The following SLC26A7 variants were observed in gnomAD, a reference collection of about 807,000 sequenced individuals.
The protein encoded by SLC26A7 is anion exchange transporter.
Under a neutral mutation model 82.5 loss-of-function variants are expected in SLC26A7, and 59 were observed. The observed-to-expected ratio is 0.72, with a 90% CI of 0.58 to 0.89. The LOEUF (loss-of-function observed/expected upper bound fraction) is 0.89, where lower values mean the gene tolerates loss of function less well. Ranked by LOEUF, SLC26A7 falls within the 40% of genes least tolerant of loss-of-function variation. The probability of loss-of-function intolerance (pLI) is 0.00; values close to 1 mark genes in which losing one functional copy is unlikely to be tolerated. For synonymous variants in SLC26A7, 271 were observed against 274.3 expected (o/e 0.99, Z 0.12); for missense variants, 820 against 793.0 (o/e 1.03, Z -0.41).
chr8:91,388,630 G>A lies in SLC26A7; in HGVS notation c.1676-708G>A, dbSNP rs180714692. 8.5e-4 allele frequency among the ~76,000 whole-genome samples: 129 copies of A among 152,222 alleles called. 1 individual carries two copies. The highest frequency in any genetic ancestry group is 1.5e-3 in the Non-Finnish European group (101 of 68,006). On this transcript the variant is annotated intron_variant, in intron 15 of 18. Transcript: ENST00000276609. ...GCTCTGAAAGCCACATCACTCCTCG[G>A]AGGGACCCCAAATGTGGCCTGTCAC...
At chr8:91,241,644 G>A (rs1810475342) in intron 2 of SLC26A7, among the ~76,000 whole-genome samples, 1 of 152,026 alleles carries the variant, frequency 6.6e-6, no homozygotes, top group Admixed American at 6.6e-5. Flanking sequence ...ATATACATGA[G>A]AGTTGTTTGG....
At chr8:91,362,607 A>G in intron 12 of SLC26A7, 148 bp downstream of exon 12, 1 of 577,086 alleles carries the variant, frequency 1.7e-6, no homozygotes, top group Non-Finnish European at 3.1e-6. Flanking sequence ...AAAACTAGAG[A>G]CAAACAGATA....
intron 15 of SLC26A7, among the ~76,000 whole-genome samples, chr8:91,385,768 C>A (rs1359792876): frequency 6.6e-6 from 1 of 152,090 alleles, no homozygotes; most frequent in East Asian, 1.9e-4. Flanking sequence ...AATAATCTAT[C>A]ATCATGTACA....
intron 2 of SLC26A7, among the ~76,000 whole-genome samples, chr8:91,273,494 A>G (rs7812726): frequency 0.2 from 29,998 of 152,146 alleles, 3,755 homozygotes; most frequent in African/African-American, 0.35. Flanking sequence ...GGCAAGTGCT[A>G]AAATAGTTTA....
chr8:91,213,297 G>A (rs569845553), intron 1 of SLC26A7, among the ~76,000 whole-genome samples: 4 of 152,164 alleles, frequency 2.6e-5, no homozygotes, highest in South Asian at 4.1e-4. Context: ...ATAATGTGTC[G>A]TCTAAGCCAA....
intron 2 of SLC26A7, among the ~76,000 whole-genome samples, chr8:91,282,529 G>A (rs1217607431): frequency 6.6e-6 from 1 of 152,112 alleles, no homozygotes; most frequent in Non-Finnish European, 1.5e-5. Flanking sequence ...TAGGTCTGTT[G>A]GATTTCCTCT....
At chr8:91,317,054 G>C (rs935275606) in intron 4 of SLC26A7, among the ~76,000 whole-genome samples, 1 of 147,134 alleles carries the variant, frequency 6.8e-6, no homozygotes, top group East Asian at 2.0e-4. Context: ...CAGCTATTCA[G>C]GAGGCTAAAA....
At chr8:91,261,244 A>G (rs549857104) in intron 2 of SLC26A7, among the ~76,000 whole-genome samples, 2 of 152,256 alleles carry the variant, frequency 1.3e-5, no homozygotes, top group Admixed American at 1.3e-4. Flanking sequence ...GCCTTTTGCT[A>G]TGTTCTTGGA....
intron 3 of SLC26A7, among the ~76,000 whole-genome samples, chr8:91,290,305 C>T (rs1811829364): frequency 6.6e-6 from 1 of 152,030 alleles, no homozygotes; most frequent in Admixed American, 6.6e-5. Context: ...TAACAAATTA[C>T]CATAAGTTTG....
In SLC26A7 at chr8:91,349,977, T is replaced by C. The variant is rs560332549; in HGVS notation, c.1141-1833T>C. ...ATATTTTATTGTTTAAAAATTCTTA[T>C]GTAAAATCACCAATTGCTCCTAAAT... On this transcript the variant is annotated intron_variant, in intron 9 of 18. Transcript: ENST00000276609. Among the ~76,000 whole-genome samples, 14 of 152,336 alleles carry C rather than the reference T, an allele frequency of 9.2e-5. No homozygotes were observed. In the South Asian group the frequency reaches 2.9e-3, roughly 32 times the overall value.
intron 9 of SLC26A7, among the ~76,000 whole-genome samples, 176 bp downstream of exon 9, chr8:91,343,642 CT>C (rs1311709325): frequency 1.3e-5 from 2 of 152,172 alleles, no homozygotes; most frequent in Non-Finnish European, 2.9e-5. Context: ...ATAAATGACA[CT>C]TACGAAAGCT....
chr8:91,222,561 C>T (rs1810175731), intron 2 of SLC26A7, among the ~76,000 whole-genome samples: 1 of 152,128 alleles, frequency 6.6e-6, no homozygotes, highest in South Asian at 2.1e-4. Context: ...AAATTTTTAA[C>T]ATGAAGGATA....
At chr8:91,295,847 GT>G in intron 4 of SLC26A7, 144 bp downstream of exon 4, 1 of 699,100 alleles carries the variant, frequency 1.4e-6, no homozygotes, top group Non-Finnish European at 2.2e-6. Context: ...TGGAAATGCT[GT>G]TTAGAGTCAT....
chr8:91,377,548 G>A (rs553992169), intron 15 of SLC26A7, among the ~76,000 whole-genome samples: 2 of 152,300 alleles, frequency 1.3e-5, no homozygotes, highest in East Asian at 3.9e-4. Context: ...CACCATAGGT[G>A]CAGAATTAGT....
At chr8:91,335,747 G>A (rs1813221907) in intron 6 of SLC26A7, among the ~76,000 whole-genome samples, 1 of 152,146 alleles carries the variant, frequency 6.6e-6, no homozygotes, top group African/African-American at 2.4e-5. Context: ...ATACTTACAA[G>A]TTATAGATCA....
intron 8 of SLC26A7, 183 bp downstream of exon 8, chr8:91,340,734 TG>T: frequency 1.5e-6 from 1 of 655,728 alleles, no homozygotes; most frequent in Non-Finnish European, 2.5e-6. Context: ...TGACATTGAT[TG>T]TTCACAATGC....
chr8:91,234,781 T>TTCCC (rs1299467536), intron 2 of SLC26A7, among the ~76,000 whole-genome samples: 3,927 of 118,766 alleles, frequency 0.033, 97 homozygotes, highest in African/African-American at 0.058. Flanking sequence ...CCTTCCTTCC[T>TTCCC]TCCCTCCCTC....
chr8:91,338,277 A>G (rs758883940), intron 7 of SLC26A7, 45 bp downstream of exon 7: 29 of 1,438,284 alleles, frequency 2.0e-5, no homozygotes, highest in Non-Finnish European at 2.7e-5. Context: ...TTGTTTGTTT[A>G]TTTTTGATGG....
intron 2 of SLC26A7, among the ~76,000 whole-genome samples, chr8:91,241,604 CT>C (rs1211179371): frequency 6.6e-6 from 1 of 152,034 alleles, no homozygotes; most frequent in African/African-American, 2.4e-5. Context: ...TTAAAGTCAA[CT>C]TTAAAAGTTG....
Sources: gnomAD v4.1 joint callset for allele counts (sites outside exome capture counted in the v4.1 genomes callset) on GRCh38, gnomAD v4.1.1 for gene constraint, MANE v1.5 for transcripts, NCBI Gene and HGNC (gene_info 2026-07-23, HGNC 2026-07-21) for gene names.